Variants in LYRM4 observed in about 807,000 individuals in gnomAD.
LYRM4 encodes LYR motif containing 4.
Under a neutral mutation model 11.7 loss-of-function variants are expected in LYRM4, and 9 were observed. That is an observed-to-expected ratio of 0.77 (90% confidence interval 0.46 to 1.34). The LOEUF (loss-of-function observed/expected upper bound fraction) is 1.34, where lower values mean the gene tolerates loss of function less well. Ranked by LOEUF, LYRM4 falls within the 40% of genes most tolerant of loss-of-function variation. The pLI is 0.00. For synonymous variants in LYRM4, 42 were observed against 40.4 expected, an observed-to-expected ratio of 1.04 and a Z score of -0.15; for missense variants, 133 against 112.5, an observed-to-expected ratio of 1.18 and a Z score of -0.82.
the LYRM4 span, among the ~76,000 whole-genome samples, chr6:5,071,646 G>A: frequency 6.6e-6 from 1 of 151,962 alleles, no homozygotes; most frequent in Non-Finnish European, 1.5e-5. Context: ...ATGTGTGTGT[G>A]TGTATATATA....
chr6:5,150,443 T>C (rs1472182571), intron 2 of LYRM4, among the ~76,000 whole-genome samples: 1 of 152,210 alleles, frequency 6.6e-6, no homozygotes, highest in African/African-American at 2.4e-5. Context: ...TGACCATGGA[T>C]ACCCTGGTTT....
chr6:5,154,903 AG>A (rs1758318951), intron 2 of LYRM4, among the ~76,000 whole-genome samples: 1 of 152,172 alleles, frequency 6.6e-6, no homozygotes, highest in Admixed American at 6.5e-5. Context: ...ACAGTGTCAG[AG>A]GGGGGCATCA....
chr6:5,115,217 A>G lies in LYRM4; in HGVS notation c.208-5726T>C, dbSNP rs1245889452. 2.0e-5 allele frequency among the ~76,000 whole-genome samples: 3 copies of G among 152,322 alleles called. No individual in the cohort carries two copies. In the East Asian group the frequency reaches 5.8e-4, roughly 29 times the overall value. On this transcript the variant is annotated intron_variant, in intron 2 of 2. Transcript: ENST00000330636. ...GATTTTTTCCTTATAAAAGGTTTCT[A>G]GAAGTAGAATTGTTGGATAAACAGA...
chr6:5,139,052 T>C (rs768170334), intron 2 of LYRM4, among the ~76,000 whole-genome samples: 1 of 152,262 alleles, frequency 6.6e-6, no homozygotes, highest in Admixed American at 6.5e-5. Flanking sequence ...TAGGCACTTA[T>C]GCTAGGTACT....
chr6:5,066,692 G>T, the LYRM4 span: 1 of 918,548 alleles, frequency 1.1e-6, no homozygotes, highest in Non-Finnish European at 1.8e-6. Flanking sequence ...GCAGCAATAG[G>T]TGTGGAGGTC....
intron 2 of LYRM4, among the ~76,000 whole-genome samples, chr6:5,146,544 C>T (rs1210613778): frequency 6.6e-6 from 1 of 152,196 alleles, no homozygotes; most frequent in African/African-American, 2.4e-5. Flanking sequence ...TGGCCCACTC[C>T]ACAGCTACCC....
intron 2 of LYRM4, among the ~76,000 whole-genome samples, chr6:5,115,423 C>T (rs541759111): frequency 5.3e-5 from 8 of 152,264 alleles, no homozygotes; most frequent in South Asian, 2.1e-4. Context: ...TGCTAAAGGC[C>T]GTATTCTCTA....
Position 5,108,652 on chromosome 6 carries a change from GTGC to G in LYRM4, c.*768_*770del. ...GTCCACCAGCCAGATTTGGGCACCG[GTGC>G]TGCCCAGCATGCCCCAGGCTTCAGG... On this transcript the variant is annotated 3_prime_UTR_variant, in exon 3 of 3. Coordinates refer to ENST00000330636, the MANE Select transcript of LYRM4 (RefSeq NM_020408.6). The G allele has an allele frequency of 1.9e-6, 1 of 523,408 alleles. No homozygotes were observed. Among genetic ancestry groups the G allele is most frequent in the Non-Finnish European group, 2.5e-6 (1 of 407,168 alleles). The allele number at this position is 523,408 out of a possible 1,614,324, so 32.4% of individuals were successfully genotyped here.
chr6:5,112,545 G>T (rs1762931620), intron 2 of LYRM4, among the ~76,000 whole-genome samples: 1 of 152,220 alleles, frequency 6.6e-6, no homozygotes, highest in African/African-American at 2.4e-5. Flanking sequence ...CTCAAGCCCT[G>T]AGTCATTCTG....
chr6:5,150,521 A>C (rs558064523), intron 2 of LYRM4, among the ~76,000 whole-genome samples: 7 of 152,304 alleles, frequency 4.6e-5, no homozygotes, highest in African/African-American at 1.7e-4. Context: ...TGAGGTATGC[A>C]AAATCCTGAG....
At chr6:5,162,850 T>C (rs1758850834) in intron 2 of LYRM4, among the ~76,000 whole-genome samples, 1 of 152,220 alleles carries the variant, frequency 6.6e-6, no homozygotes, top group Non-Finnish European at 1.5e-5. Context: ...GGGAAACTGA[T>C]AACAATAAAA....
chr6:5,250,817 G>A (rs2753234), intron 1 of LYRM4, among the ~76,000 whole-genome samples: 43,651 of 152,040 alleles, frequency 0.29, 7,898 homozygotes, highest in African/African-American at 0.51. Flanking sequence ...CTTACATATG[G>A]TATAATAAAA....
intron 2 of LYRM4, among the ~76,000 whole-genome samples, chr6:5,140,872 T>A (rs893011805): frequency 2.6e-5 from 4 of 152,222 alleles, no homozygotes; most frequent in African/African-American, 9.6e-5. Flanking sequence ...CTGCCTTCCT[T>A]ATGCCACTTC....
chr6:5,065,052 G>T, the LYRM4 span, among the ~76,000 whole-genome samples: 3 of 151,882 alleles, frequency 2.0e-5, no homozygotes, highest in African/African-American at 7.3e-5. Flanking sequence ...CCTAAACCAT[G>T]GCAACCACTG....
At chr6:5,224,957 T>C (rs1462357487) in intron 1 of LYRM4, among the ~76,000 whole-genome samples, 1 of 135,910 alleles carries the variant, frequency 7.4e-6, no homozygotes, top group African/African-American at 2.8e-5. Flanking sequence ...TGAAACTGTC[T>C]GAAAAAATAG....
At chr6:5,190,386 A>G (rs1000062446) in intron 2 of LYRM4, among the ~76,000 whole-genome samples, 2 of 152,320 alleles carry the variant, frequency 1.3e-5, no homozygotes, top group Admixed American at 6.5e-5. Context: ...CCATTTAGAA[A>G]AAAATTCACT....
chr6:5,098,251 A>G, the LYRM4 span, among the ~76,000 whole-genome samples: 1 of 152,144 alleles, frequency 6.6e-6, no homozygotes, highest in Non-Finnish European at 1.5e-5. Context: ...CTTCATTCAG[A>G]TGGACCCTCA....
intron 2 of LYRM4, among the ~76,000 whole-genome samples, chr6:5,120,292 T>G (rs894780853): frequency 6.6e-6 from 1 of 152,168 alleles, no homozygotes; most frequent in African/African-American, 2.4e-5. Context: ...TCTGCAGGAA[T>G]GAGTCCTTTT....
the LYRM4 span, among the ~76,000 whole-genome samples, chr6:5,044,489 G>A: frequency 6.6e-6 from 1 of 152,168 alleles, no homozygotes; most frequent in African/African-American, 2.4e-5. Flanking sequence ...CCAGTGCCAG[G>A]GTCCAGCTTC....
Sources: allele counts gnomAD v4.1 joint callset (sites outside exome capture counted in the v4.1 genomes callset), GRCh38; gene constraint gnomAD v4.1.1; transcripts MANE v1.5; gene names NCBI Gene and HGNC (gene_info 2026-07-23, HGNC 2026-07-21).